The following CTNND2 variants were observed in gnomAD, a reference collection of about 807,000 sequenced individuals.
CTNND2 encodes catenin delta 2, also known as catenin delta-2.
CTNND2 carries 22 observed loss-of-function variants against 144.4 expected under a neutral mutation model. The observed-to-expected ratio is 0.15, with a 90% confidence interval of 0.11 to 0.22. The LOEUF (loss-of-function observed/expected upper bound fraction) is 0.22, where lower values mean the gene tolerates loss of function less well. Ranked by LOEUF, CTNND2 falls within the 10% of genes least tolerant of loss-of-function variation. The pLI is 1.00. For missense variants in CTNND2, 1,353 were observed against 1,618.8 expected (o/e 0.84, Z 2.82); for synonymous variants, 751 against 695.6 (o/e 1.08, Z -1.25).
intron 18 of CTNND2, among the ~76,000 whole-genome samples, chr5:10,995,107 G>C (rs185782995): frequency 2.6e-5 from 4 of 152,276 alleles, no homozygotes; most frequent in East Asian, 1.9e-4. Flanking sequence ...TCTGCAAACT[G>C]GGATCTCAGG....
chr5:11,730,063 T>C (rs1787283546), intron 2 of CTNND2, among the ~76,000 whole-genome samples: 1 of 152,192 alleles, frequency 6.6e-6, no homozygotes, highest in South Asian at 2.1e-4. Flanking sequence ...CATATATTAA[T>C]TTTATCAACA....
rs1369731662 is a variant in CTNND2, at chr5:11,354,674, C to T, written c.1373-8047G>A. Among the ~76,000 whole-genome samples the T allele has an allele frequency of 3.3e-5, 5 of 152,252 alleles. 1 individual carries two copies. The highest frequency in any genetic ancestry group is 4.1e-4 in the South Asian group (2 of 4,822). ...AGAACAGTAGGGAACTTCAACCCCCCTTTAAGTGTGGACAAATTATCCAGA... is the reference window on the plus strand; with the variant it reads ...AGAACAGTAGGGAACTTCAACCCCCTTTTAAGTGTGGACAAATTATCCAGA... On this transcript the variant is annotated intron_variant, in intron 8 of 21. Coordinates refer to ENST00000304623, the MANE Select transcript of CTNND2 (RefSeq NM_001332.4).
chr5:11,014,430 G>A (rs1741398918), intron 18 of CTNND2, among the ~76,000 whole-genome samples: 1 of 152,122 alleles, frequency 6.6e-6, no homozygotes, highest in Admixed American at 6.5e-5. Flanking sequence ...CCTCTGCAAT[G>A]ACACAAAACA....
chr5:11,488,763 C>G (rs79297057), intron 3 of CTNND2, among the ~76,000 whole-genome samples: 4,895 of 152,250 alleles, frequency 0.032, 288 homozygotes, highest in African/African-American at 0.11. Context: ...GCCCACTTTC[C>G]ATCGTTATGA....
chr5:11,257,161 G>A (rs977753352), intron 9 of CTNND2, among the ~76,000 whole-genome samples: 2 of 152,140 alleles, frequency 1.3e-5, no homozygotes, highest in Non-Finnish European at 2.9e-5. Flanking sequence ...TGGTGTAGCA[G>A]TAGGTTTTCT....
At chr5:11,530,204 C>T (rs1310052291) in intron 3 of CTNND2, among the ~76,000 whole-genome samples, 2 of 151,808 alleles carry the variant, frequency 1.3e-5, no homozygotes, top group African/African-American at 4.8e-5. Flanking sequence ...TCCAGGATGA[C>T]TCATAATATC....
rs142595878 is a variant in CTNND2, at chr5:11,359,626, A to C, written c.1372+5070T>G. 2.6e-5 allele frequency among the ~76,000 whole-genome samples: 4 copies of C among 152,194 alleles called. No homozygotes were observed. In the East Asian group the frequency reaches 5.8e-4, roughly 22 times the overall value. ...TCCTCGGGCAGGTGGGCACTGCTGT[A>C]CTTTCTATCTGCCTCCCTGTTCAAA... On this transcript the variant is annotated intron_variant, in intron 8 of 21. Coordinates refer to ENST00000304623, the MANE Select transcript of CTNND2 (RefSeq NM_001332.4).
intron 16 of CTNND2, among the ~76,000 whole-genome samples, chr5:11,039,735 C>T (rs1220355239): frequency 6.6e-6 from 1 of 151,992 alleles, no homozygotes; most frequent in East Asian, 1.9e-4. Flanking sequence ...CACTAAAGTT[C>T]CTTATGTTTT....
intron 2 of CTNND2, among the ~76,000 whole-genome samples, chr5:11,629,959 G>GA (rs1179612154): frequency 6.6e-6 from 1 of 151,948 alleles, no homozygotes; most frequent in Non-Finnish European, 1.5e-5. Flanking sequence ...TTTTATAGGG[G>GA]AAAAAAGTAA....
chr5:11,817,413 GAGAGAGAGAGAGAGAGAGAGAGA>G (rs1793032290), intron 1 of CTNND2, among the ~76,000 whole-genome samples: 7 of 510 alleles, frequency 0.014, no homozygotes, highest in East Asian at 0.25. Flanking sequence ...AGAGGAGGGA[GAGAGAGAGAGAGAGAGAGAGAGA>G]GAGAGAGAGA....
chr5:11,889,738 C>T (rs746099978), intron 1 of CTNND2, among the ~76,000 whole-genome samples: 12 of 152,132 alleles, frequency 7.9e-5, no homozygotes, highest in Non-Finnish European at 1.5e-4. Context: ...CACAGAATTA[C>T]TAAAATATCA....
intron 2 of CTNND2, among the ~76,000 whole-genome samples, chr5:11,668,453 G>T (rs970155798): frequency 6.6e-6 from 1 of 152,184 alleles, no homozygotes; most frequent in African/African-American, 2.4e-5. Flanking sequence ...GCAGTGGTTT[G>T]TAGTTCTCCT....
chr5:11,389,873 C>G (rs2149806688), intron 6 of CTNND2, among the ~76,000 whole-genome samples: 1 of 152,288 alleles, frequency 6.6e-6, no homozygotes. Flanking sequence ...AACTTTGTTT[C>G]ATGTACAACA....
At chr5:11,832,940 C>T (rs1255028687) in intron 1 of CTNND2, among the ~76,000 whole-genome samples, 2 of 151,888 alleles carry the variant, frequency 1.3e-5, no homozygotes, top group East Asian at 3.9e-4. Flanking sequence ...GACCCTGTCT[C>T]TAAATAAATA....
chr5:11,106,488 C>A (rs559343144), intron 14 of CTNND2, among the ~76,000 whole-genome samples: 1 of 152,196 alleles, frequency 6.6e-6, no homozygotes. Flanking sequence ...GTGCCTACAC[C>A]TTCCCGCCCA....
intron 1 of CTNND2, among the ~76,000 whole-genome samples, chr5:11,760,064 A>T (rs1189347558): frequency 2.0e-5 from 3 of 152,084 alleles, no homozygotes; most frequent in Non-Finnish European, 4.4e-5. Context: ...AAAAAAAAAA[A>T]AAAAAATCCT....
intron 9 of CTNND2, among the ~76,000 whole-genome samples, chr5:11,343,982 A>G (rs1342375306): frequency 6.6e-6 from 1 of 152,262 alleles, no homozygotes; most frequent in Non-Finnish European, 1.5e-5. Flanking sequence ...AGTTAAACAT[A>G]TTAGTTCTGG....
intron 9 of CTNND2, among the ~76,000 whole-genome samples, chr5:11,323,207 T>TA (rs1451718951): frequency 8.1e-6 from 1 of 123,070 alleles, no homozygotes; most frequent in East Asian, 2.9e-4. Context: ...CCCAGCAAAT[T>TA]AAAAAACAAA....
intron 14 of CTNND2, among the ~76,000 whole-genome samples, chr5:11,105,995 T>C (rs1462216177): frequency 6.6e-6 from 1 of 151,934 alleles, no homozygotes; most frequent in Non-Finnish European, 1.5e-5. Context: ...ATGAAAACTG[T>C]CTGGAAGAAA....
Sources: gnomAD v4.1 joint callset for allele counts (sites outside exome capture counted in the v4.1 genomes callset) on GRCh38, gnomAD v4.1.1 for gene constraint, MANE v1.5 for transcripts, NCBI Gene and HGNC (gene_info 2026-07-23, HGNC 2026-07-21) for gene names.